The following GLIS3 variants were observed in gnomAD, a reference collection of about 807,000 sequenced individuals.
GLIS3 encodes the protein zinc finger protein GLIS3.
Under a neutral mutation model 78.6 loss-of-function variants are expected in GLIS3, and 53 were observed. The ratio of observed to expected loss-of-function variants is 0.67; its 90% CI spans 0.54 to 0.85. The LOEUF is 0.85. Among genes scored for constraint, GLIS3 ranks in the 40% least tolerant of loss-of-function variants. The probability of loss-of-function intolerance (pLI) is 0.00; values close to 1 mark genes in which losing one functional copy is unlikely to be tolerated. For synonymous variants in GLIS3, 684 were observed against 509.9 expected (o/e 1.34, Z -4.60); for missense variants, 1,703 against 1,231.1 (o/e 1.38, Z -5.74).
chr9:4,471,010 T>G, the GLIS3 span, among the ~76,000 whole-genome samples: 2 of 151,192 alleles, frequency 1.3e-5, no homozygotes, highest in African/African-American at 2.4e-5. Flanking sequence ...TCACAATTGC[T>G]TCAAAGAGAA....
chr9:4,360,083 G>A, the GLIS3 span, among the ~76,000 whole-genome samples: 3 of 151,268 alleles, frequency 2.0e-5, no homozygotes, highest in South Asian at 2.1e-4. Context: ...ATCTCCTAAT[G>A]AAGTCATCAT....
At chr9:4,351,256 A>G (rs529981352), upstream of GLIS3, among the ~76,000 whole-genome samples, 5 of 152,180 alleles carry the variant, frequency 3.3e-5, 1 homozygote, top group African/African-American at 1.2e-4. Flanking sequence ...AGAAACAAAC[A>G]AACAAACAAT....
intron 4 of GLIS3, among the ~76,000 whole-genome samples, chr9:4,307,381 A>C (rs1450611716): frequency 1.3e-5 from 2 of 152,200 alleles, no homozygotes; most frequent in East Asian, 3.9e-4. Flanking sequence ...CTACCGTGAT[A>C]CTGAACTTCC....
chr9:4,483,741 A>G, the GLIS3 span, among the ~76,000 whole-genome samples: 3 of 151,114 alleles, frequency 2.0e-5, no homozygotes, highest in African/African-American at 7.3e-5. Flanking sequence ...AAAAAAAAAA[A>G]GAGGTGTTGG....
At chr9:3,886,919 C>A (rs1277901212) in intron 7 of GLIS3, among the ~76,000 whole-genome samples, 1 of 152,170 alleles carries the variant, frequency 6.6e-6, no homozygotes, top group Admixed American at 6.5e-5. Flanking sequence ...AGCTGGTTTT[C>A]TTTTTTCCTT....
chr9:4,403,590 T>C, the GLIS3 span, among the ~76,000 whole-genome samples: 1 of 151,368 alleles, frequency 6.6e-6, no homozygotes, highest in Non-Finnish European at 1.5e-5. Flanking sequence ...AAGTGTAGAG[T>C]TTTTATTAGT....
intron 4 of GLIS3, among the ~76,000 whole-genome samples, chr9:4,057,063 C>T (rs947090592): frequency 1.3e-5 from 2 of 151,980 alleles, no homozygotes; most frequent in Non-Finnish European, 2.9e-5. Flanking sequence ...AACTAGGCTC[C>T]TAAATTTCAT....
At chr9:4,452,102 G>C in the GLIS3 span, among the ~76,000 whole-genome samples, 1 of 151,958 alleles carries the variant, frequency 6.6e-6, no homozygotes, top group Non-Finnish European at 1.5e-5. Flanking sequence ...TGCAAATAAG[G>C]CCTTTGATAA....
chr9:4,029,768 G>A (rs747548210), intron 4 of GLIS3, among the ~76,000 whole-genome samples: 3 of 152,104 alleles, frequency 2.0e-5, no homozygotes, highest in Non-Finnish European at 4.4e-5. Context: ...CATCTATGTT[G>A]ATGCAAATGA....
rs141115669 is a variant in GLIS3 at position 3,989,275 on chromosome 9, C to T, written c.1711-52086G>A. Among the ~76,000 whole-genome samples the T allele has an allele frequency of 2.7e-3, 414 of 152,196 alleles. 1 individual carries two copies. The highest frequency in any genetic ancestry group is 9.8e-3 in the African/African-American group (407 of 41,556). ...AAATACTGGCAAAGATGTGAAGAAA[C>T]TGGATCACTCATACATTGCTGACAG... is the stretch of plus-strand genomic sequence containing the variant. On this transcript the variant is annotated intron_variant, in intron 4 of 10. Coordinates refer to ENST00000381971, the MANE Select transcript of GLIS3 (RefSeq NM_001042413.2).
chr9:4,086,682 T>C (rs1471386428), intron 4 of GLIS3, among the ~76,000 whole-genome samples: 7 of 152,232 alleles, frequency 4.6e-5, no homozygotes, highest in Admixed American at 4.6e-4. Context: ...TTTTTTACCA[T>C]GTAAATGTAC....
At chr9:4,358,734 G>A in the GLIS3 span, among the ~76,000 whole-genome samples, 1 of 152,180 alleles carries the variant, frequency 6.6e-6, no homozygotes, top group African/African-American at 2.4e-5. Context: ...GCACATATGT[G>A]TTTATGTGTG....
intron 4 of GLIS3, among the ~76,000 whole-genome samples, chr9:4,053,169 G>C (rs968828551): frequency 6.6e-6 from 1 of 152,052 alleles, no homozygotes; most frequent in African/African-American, 2.4e-5. Flanking sequence ...AGCTGGTCTC[G>C]AACTCTTGGC....
chr9:4,328,114 G>C (rs1563934341), intron 2 of GLIS3, among the ~76,000 whole-genome samples: 1 of 152,130 alleles, frequency 6.6e-6, no homozygotes, highest in Non-Finnish European at 1.5e-5. Flanking sequence ...CCCACTGATG[G>C]AAAAGCCCTG....
At chr9:4,023,898 C>T (rs561214104) in intron 4 of GLIS3, among the ~76,000 whole-genome samples, 1 of 152,032 alleles carries the variant, frequency 6.6e-6, no homozygotes, top group African/African-American at 2.4e-5. Flanking sequence ...TTGCTGTGAT[C>T]GGTGGCCTCA....
At chr9:3,957,484 T>G (rs547803300) in intron 4 of GLIS3, among the ~76,000 whole-genome samples, 1 of 152,260 alleles carries the variant, frequency 6.6e-6, no homozygotes, top group African/African-American at 2.4e-5. Context: ...CGAGATGGGA[T>G]TTGCATATTG....
chr9:4,182,388 T>C (rs899419755), intron 2 of GLIS3, among the ~76,000 whole-genome samples: 1 of 152,208 alleles, frequency 6.6e-6, no homozygotes, highest in Admixed American at 6.5e-5. Context: ...GAGAAATACC[T>C]GATTTTCCCC....
chr9:3,965,657 CAGA>C (rs1167212833), intron 4 of GLIS3, among the ~76,000 whole-genome samples: 3 of 152,180 alleles, frequency 2.0e-5, no homozygotes, highest in Non-Finnish European at 4.4e-5. Context: ...GCCAGTGCAG[CAGA>C]AGGAGTGGAA....
chr9:3,831,563 G>GT (rs1818046431), intron 9 of GLIS3, among the ~76,000 whole-genome samples: 1 of 152,170 alleles, frequency 6.6e-6, no homozygotes, highest in South Asian at 2.1e-4. Context: ...TTGACAACCT[G>GT]TATCTAGAAC....
Sources: allele counts gnomAD v4.1 joint callset (sites outside exome capture counted in the v4.1 genomes callset), GRCh38; gene constraint gnomAD v4.1.1; transcripts MANE v1.5; gene names NCBI Gene and HGNC (gene_info 2026-07-23, HGNC 2026-07-21).